GLIS3: variants seen among roughly 807,000 people sequenced by gnomAD.
GLIS3 encodes GLIS family zinc finger 3.
In GLIS3, 53 loss-of-function variants were observed where a neutral mutation model predicts 78.6. The ratio of observed to expected loss-of-function variants is 0.67; its 90% CI spans 0.54 to 0.85. GLIS3 has a LOEUF of 0.85. Ranked by LOEUF, GLIS3 falls within the 40% of genes least tolerant of loss-of-function variation. GLIS3 has a pLI of 0.00. For missense variants in GLIS3, 1,703 were observed against 1,231.1 expected (o/e 1.38, Z -5.74); for synonymous variants, 684 against 509.9 (o/e 1.34, Z -4.60).
At chr9:4,337,895 G>A (rs1817776070) in intron 2 of GLIS3, among the ~76,000 whole-genome samples, 2 of 152,030 alleles carry the variant, frequency 1.3e-5, no homozygotes, top group Non-Finnish European at 2.9e-5. Context: ...AGAAACTGGG[G>A]TTCAAAGAGA....
At chr9:4,195,104 G>A (rs1189114576) in intron 2 of GLIS3, among the ~76,000 whole-genome samples, 1 of 152,244 alleles carries the variant, frequency 6.6e-6, no homozygotes, top group Non-Finnish European at 1.5e-5. Flanking sequence ...CAAGCCAGGG[G>A]CAGGAGAAGA....
upstream of GLIS3, among the ~76,000 whole-genome samples, chr9:4,304,369 A>C (rs935029702): frequency 2.0e-5 from 3 of 152,160 alleles, no homozygotes; most frequent in Non-Finnish European, 2.9e-5. Context: ...TTTTATTATA[A>C]ACTGAAGATT....
intron 4 of GLIS3, among the ~76,000 whole-genome samples, chr9:4,074,982 A>G (rs1324582325): frequency 6.6e-6 from 1 of 152,170 alleles, no homozygotes; most frequent in Admixed American, 6.6e-5. Context: ...AGCAGCATAG[A>G]GTTTTCTGAT....
intron 4 of GLIS3, among the ~76,000 whole-genome samples, chr9:4,089,950 C>T (rs1217307629): frequency 6.6e-6 from 1 of 152,170 alleles, no homozygotes; most frequent in Non-Finnish European, 1.5e-5. Flanking sequence ...CAAAGTGGTG[C>T]CTCCCACTGT....
intron 2 of GLIS3, among the ~76,000 whole-genome samples, chr9:4,166,463 C>T (rs187597229): frequency 5.3e-4 from 81 of 152,234 alleles, no homozygotes; most frequent in African/African-American, 1.8e-3. Context: ...TCACTTAAGA[C>T]GTGATGGGAA....
At chr9:4,417,637 T>C in the GLIS3 span, among the ~76,000 whole-genome samples, 22 of 152,212 alleles carry the variant, frequency 1.4e-4, no homozygotes, top group African/African-American at 5.3e-4. Flanking sequence ...GGCGAATATC[T>C]TGTAGTGAAA....
intron 2 of GLIS3, among the ~76,000 whole-genome samples, chr9:4,320,461 G>A (rs1207985229): frequency 1.3e-5 from 2 of 152,094 alleles, no homozygotes; most frequent in African/African-American, 2.4e-5. Context: ...CAGAAACTTA[G>A]GGATTTATCC....
intron 2 of GLIS3, among the ~76,000 whole-genome samples, chr9:4,192,501 A>G (rs1274419332): frequency 6.6e-6 from 1 of 152,248 alleles, no homozygotes; most frequent in African/African-American, 2.4e-5. Flanking sequence ...ACACATTCCT[A>G]TGTTAAGAAC....
intron 2 of GLIS3, among the ~76,000 whole-genome samples, chr9:4,274,926 G>T (rs996351062): frequency 6.6e-6 from 1 of 152,158 alleles, no homozygotes; most frequent in African/African-American, 2.4e-5. Flanking sequence ...ACCACAAGTT[G>T]CATTTTGTAA....
chr9:3,977,837 C>G lies in GLIS3; in HGVS notation c.1711-40648G>C, dbSNP rs1452852175. Among the ~76,000 whole-genome samples, 6 of 152,244 alleles carry G rather than the reference C, an allele frequency of 3.9e-5. No individual in the cohort carries two copies. Among genetic ancestry groups the G allele is most frequent in the African/African-American group, 1.4e-4 (6 of 41,474 alleles). On this transcript the variant is annotated intron_variant, in intron 4 of 10. Transcript: ENST00000381971. This position sits in a 1 kb window ranked among gnomAD's most constrained non-coding sequence, Gnocchi z 4.1. ...GGAACACTAGCAGTCATCACCATTT[C>G]TACAGCAGGCTGTTGCATCCAGCTG...
intron 4 of GLIS3, among the ~76,000 whole-genome samples, chr9:3,962,508 G>A (rs1377700299): frequency 6.6e-6 from 1 of 152,180 alleles, no homozygotes; most frequent in African/African-American, 2.4e-5. Context: ...CACTGTAAGT[G>A]TACATCTGGC....
chr9:4,117,037 A>G (rs931425147), intron 4 of GLIS3, among the ~76,000 whole-genome samples: 11 of 152,234 alleles, frequency 7.2e-5, no homozygotes, highest in African/African-American at 2.7e-4. Context: ...AGAGAGTTCC[A>G]GGATGGATGC....
chr9:4,136,905 C>A (rs1353920221), intron 2 of GLIS3, among the ~76,000 whole-genome samples: 1 of 152,184 alleles, frequency 6.6e-6, no homozygotes, highest in Non-Finnish European at 1.5e-5. Flanking sequence ...AATTCCTAAG[C>A]TCCACTGCAA....
chr9:4,076,165 T>G (rs941930469), intron 4 of GLIS3, among the ~76,000 whole-genome samples: 1 of 152,232 alleles, frequency 6.6e-6, no homozygotes, highest in African/African-American at 2.4e-5. Flanking sequence ...AACAATACAT[T>G]TTAAATCTGT....
At chr9:4,355,780 G>A in the GLIS3 span, among the ~76,000 whole-genome samples, 7 of 152,072 alleles carry the variant, frequency 4.6e-5, no homozygotes, top group African/African-American at 1.7e-4. Context: ...TTCACCAACT[G>A]AGCATTGCAC....
chr9:4,437,310 C>T, the GLIS3 span, among the ~76,000 whole-genome samples: 4 of 152,130 alleles, frequency 2.6e-5, no homozygotes, highest in African/African-American at 9.7e-5. Context: ...TAAAAGACAG[C>T]AGCTTTAACC....
At chr9:4,290,097 C>T (rs1314060664) in intron 1 of GLIS3, among the ~76,000 whole-genome samples, 1 of 152,090 alleles carries the variant, frequency 6.6e-6, no homozygotes, top group East Asian at 1.9e-4. Flanking sequence ...ACATGACTTC[C>T]ATAATGCCTA....
intron 4 of GLIS3, among the ~76,000 whole-genome samples, chr9:4,013,120 G>A (rs1439990083): frequency 1.3e-5 from 2 of 152,070 alleles, no homozygotes; most frequent in Non-Finnish European, 2.9e-5. Flanking sequence ...AGCTCTCTGT[G>A]ACAGTGTAGC....
At position 3,962,950 on chromosome 9, in the gene GLIS3, G is replaced by A. The variant is rs555214043; in HGVS notation, c.1711-25761C>T. Among the ~76,000 whole-genome samples, 24 of 150,502 alleles carry A rather than the reference G, an allele frequency of 1.6e-4. 1 individual carries two copies. The highest frequency in any genetic ancestry group is 5.7e-4 in the African/African-American group (23 of 40,618). On this transcript the variant is annotated intron_variant, in intron 4 of 10. Coordinates refer to ENST00000381971, the MANE Select transcript of GLIS3 (RefSeq NM_001042413.2). ...AACAAGATCTGCTGTGATTTAAGGG[G>A]GGGGGGGGGAGAGAGATTTATTGAG...
Sources: allele counts gnomAD v4.1 joint callset (sites outside exome capture counted in the v4.1 genomes callset), GRCh38; gene constraint gnomAD v4.1.1; non-coding constraint Gnocchi (gnomAD v3.1); transcripts MANE v1.5; gene names NCBI Gene and HGNC (gene_info 2026-07-23, HGNC 2026-07-21).